The following CPNE8 variants were observed in gnomAD, a reference collection of about 807,000 sequenced individuals.
CPNE8 encodes copine-8.
CPNE8 carries 45 observed loss-of-function variants against 81.5 expected under a neutral mutation model. The ratio of observed to expected loss-of-function variants is 0.55; its 90% CI spans 0.44 to 0.71. The LOEUF (loss-of-function observed/expected upper bound fraction) is 0.71. Ranked by LOEUF, CPNE8 falls within the 30% of genes least tolerant of loss-of-function variation. The probability of loss-of-function intolerance (pLI) is 0.00; values close to 1 mark genes in which losing one functional copy is unlikely to be tolerated. For missense variants in CPNE8, 594 were observed against 672.1 expected (o/e 0.88, Z 1.28); for synonymous variants, 252 against 226.3 (o/e 1.11, Z -1.02).
intron 3 of CPNE8, among the ~76,000 whole-genome samples, chr12:38,853,319 G>A (rs1943677544): frequency 6.6e-6 from 1 of 152,046 alleles, no homozygotes; most frequent in Non-Finnish European, 1.5e-5. Flanking sequence ...ATTTGTTGAT[G>A]TTATACACCC....
intron 1 of CPNE8, among the ~76,000 whole-genome samples, chr12:38,902,851 T>C (rs998110332): frequency 4.6e-5 from 7 of 152,306 alleles, no homozygotes; most frequent in African/African-American, 1.7e-4. Flanking sequence ...CATGTTTTTG[T>C]TTCATGCATT....
intron 6 of CPNE8, among the ~76,000 whole-genome samples, chr12:38,819,371 A>C (rs1592118134): frequency 6.6e-6 from 1 of 152,144 alleles, no homozygotes; most frequent in Non-Finnish European, 1.5e-5. Context: ...TAACTGACTT[A>C]TTATAATGCA....
At chr12:38,755,920 G>C (rs1941447535) in intron 10 of CPNE8, among the ~76,000 whole-genome samples, 1 of 150,102 alleles carries the variant, frequency 6.7e-6, no homozygotes, top group Non-Finnish European at 1.5e-5. Flanking sequence ...GGCGCCTGTA[G>C]TCCCAGCTAC....
intron 8 of CPNE8, among the ~76,000 whole-genome samples, chr12:38,762,417 A>G (rs1941592044): frequency 6.6e-6 from 1 of 152,236 alleles, no homozygotes; most frequent in Non-Finnish European, 1.5e-5. Flanking sequence ...TAAATTTACC[A>G]AAAACAATCT....
At chr12:38,896,383 A>G (rs1944389378) in intron 1 of CPNE8, among the ~76,000 whole-genome samples, 1 of 152,084 alleles carries the variant, frequency 6.6e-6, no homozygotes, top group African/African-American at 2.4e-5. Flanking sequence ...GTTTGCCAAT[A>G]TTAAGGTATT....
chr12:38,902,549 A>G (rs1944506516), intron 1 of CPNE8, among the ~76,000 whole-genome samples: 1 of 152,242 alleles, frequency 6.6e-6, no homozygotes, highest in African/African-American at 2.4e-5. Context: ...AGGCAAGGGA[A>G]TTCCTTACTC....
In CPNE8 at chr12:38,850,165, G is replaced by C. The variant is rs187309554; in HGVS notation, c.187-1503C>G. Among the ~76,000 whole-genome samples the C allele has an allele frequency of 6.6e-5, 10 of 152,234 alleles. No homozygotes were observed. The East Asian group carries it at 1.9e-3, about 29-fold the overall frequency. ...GGTCAGTAAGTTCAAGTATAAACCA[G>C]AGGGACCCTCCACCCTCCCACTGTT... On this transcript the variant is annotated intron_variant, in intron 3 of 19. Transcript: ENST00000331366.
chr12:38,724,363 T>C (rs1231482539), intron 12 of CPNE8, among the ~76,000 whole-genome samples: 1 of 5,930 alleles, frequency 1.7e-4, no homozygotes, highest in African/African-American at 1.9e-4. Flanking sequence ...AGGATGATAT[T>C]GATTTTTTTT....
chr12:38,765,852 C>T (rs1053310503), intron 8 of CPNE8, among the ~76,000 whole-genome samples: 1 of 151,596 alleles, frequency 6.6e-6, no homozygotes, highest in Non-Finnish European at 1.5e-5. Context: ...AATGAGTGAA[C>T]ATCTTTTTTT....
chr12:38,756,848 A>T (rs557424241), intron 10 of CPNE8, among the ~76,000 whole-genome samples: 1 of 152,346 alleles, frequency 6.6e-6, no homozygotes, highest in Non-Finnish European at 1.5e-5. Flanking sequence ...CTTCAAATGT[A>T]GGTAGTCTGA....
rs35534366 is a variant in CPNE8, at chr12:38,864,057, CA to C, written c.186+8946del. Among the ~76,000 whole-genome samples, 185 of 89,878 alleles carry C rather than the reference CA, an allele frequency of 2.1e-3. 1 individual carries two copies. The highest frequency in any genetic ancestry group is 0.014 in the Middle Eastern group (2 of 142). 59.0% of individuals were successfully genotyped at this position (89,878 alleles called of 152,430 possible). ...CGACAGAGCGAGACTTCATCTCTCA[CA>C]AAAAAAAAAAAAAAAGAAAAAAGAA... is the stretch of plus-strand genomic sequence containing the variant. On this transcript the variant is annotated intron_variant, in intron 3 of 19. Transcript: ENST00000331366.
chr12:38,712,640 C>A (rs1940288581), intron 13 of CPNE8, among the ~76,000 whole-genome samples: 1 of 152,140 alleles, frequency 6.6e-6, no homozygotes, highest in African/African-American at 2.4e-5. Context: ...ATTGATCTAG[C>A]CTCCAAAATA....
chr12:38,737,304 T>G (rs1940978519), intron 10 of CPNE8, among the ~76,000 whole-genome samples: 1 of 152,068 alleles, frequency 6.6e-6, no homozygotes, highest in Non-Finnish European at 1.5e-5. Context: ...TGCAATTAAA[T>G]GCCATCACCT....
chr12:38,881,132 C>G (rs879939372), intron 1 of CPNE8, among the ~76,000 whole-genome samples: 1 of 151,516 alleles, frequency 6.6e-6, no homozygotes, highest in Non-Finnish European at 1.5e-5. Context: ...ATGGCGTGAA[C>G]CCGGGAGGCG....
chr12:38,654,104 A>G (rs1386682441), intron 19 of CPNE8, 34 bp from the exon 20 acceptor site: 3 of 1,562,294 alleles, frequency 1.9e-6, no homozygotes, highest in Non-Finnish European at 2.6e-6. Flanking sequence ...TATTTCACAG[A>G]CTTTAGCAGG....
At chr12:38,740,690 G>A (rs540557266) in intron 10 of CPNE8, among the ~76,000 whole-genome samples, 10 of 152,258 alleles carry the variant, frequency 6.6e-5, no homozygotes, top group South Asian at 2.1e-4. Flanking sequence ...GCTGGATTAC[G>A]TTTATTGATT....
At chr12:38,766,101 G>A (rs1425163469) in intron 8 of CPNE8, among the ~76,000 whole-genome samples, 2 of 152,000 alleles carry the variant, frequency 1.3e-5, no homozygotes, top group African/African-American at 2.4e-5. Flanking sequence ...CTCGTGATCC[G>A]CCTGCCTCGG....
At chr12:38,764,758 C>T (rs1297238910) in intron 8 of CPNE8, among the ~76,000 whole-genome samples, 1 of 151,494 alleles carries the variant, frequency 6.6e-6, no homozygotes, top group African/African-American at 2.4e-5. Flanking sequence ...TAAAGATCTG[C>T]AAAGGGAATT....
intron 6 of CPNE8, among the ~76,000 whole-genome samples, chr12:38,815,264 T>C (rs140386232): frequency 1.5e-4 from 23 of 152,322 alleles, no homozygotes; most frequent in Admixed American, 8.5e-4. Flanking sequence ...CCAAATATTA[T>C]GAATAACTTT....
Sources: gnomAD v4.1 joint callset for allele counts (sites outside exome capture counted in the v4.1 genomes callset) on GRCh38, gnomAD v4.1.1 for gene constraint, MANE v1.5 for transcripts, NCBI Gene and HGNC (gene_info 2026-07-23, HGNC 2026-07-21) for gene names.